Variants in ERCC3 observed in about 807,000 individuals in gnomAD.
ERCC3 encodes general transcription and DNA repair factor IIH helicase/translocase subunit XPB.
Under a neutral mutation model 94.2 loss-of-function variants are expected in ERCC3, and 66 were observed. The ratio of observed to expected loss-of-function variants is 0.70; its 90% CI spans 0.57 to 0.86. The LOEUF (loss-of-function observed/expected upper bound fraction) is 0.86. Ranked by LOEUF, ERCC3 falls within the 40% of genes least tolerant of loss-of-function variation. The pLI is 0.00. For synonymous variants in ERCC3, 349 were observed against 369.1 expected (o/e 0.95, Z 0.63); for missense variants, 829 against 987.1 (o/e 0.84, Z 2.15).
intron 8 of ERCC3, among the ~76,000 whole-genome samples, chr2:127,281,552 T>G (rs73956503): frequency 3.3e-5 from 5 of 152,326 alleles, no homozygotes; most frequent in African/African-American, 1.2e-4. Context: ...GTTAAAATGT[T>G]TGAGTCATGC....
intron 13 of ERCC3, 97 bp downstream of exon 13, chr2:127,261,131 G>C: frequency 1.3e-6 from 1 of 787,578 alleles, no homozygotes; most frequent in Non-Finnish European, 2.3e-6. Flanking sequence ...CTAATGCTTG[G>C]TGCCTGCCTG....
chr2:127,271,605 T>C lies in ERCC3; in HGVS notation c.1828-152A>G. ...TCTATCTGATGCAGGCAGAGAGAGG[T>C]GAAGCAATAAACCTCAGAAAGGCAT... On this transcript the variant is annotated intron_variant, in intron 11 of 14. Coordinates refer to ENST00000285398, the MANE Select transcript of ERCC3 (RefSeq NM_000122.2). This position sits in a 1 kb window ranked among gnomAD's most constrained non-coding sequence, Gnocchi z 5.0. The C allele has an allele frequency of 3.0e-6, 2 of 676,456 alleles. No individual in the cohort carries two copies. The allele number at this position is 676,456 out of a possible 1,614,324, so 41.9% of individuals were successfully genotyped here. A position where few individuals can be genotyped will look rare whatever the true frequency, so the allele number is the denominator to read the frequency against.
At chr2:127,287,452 G>T (rs748463266) in intron 7 of ERCC3, among the ~76,000 whole-genome samples, 1 of 152,036 alleles carries the variant, frequency 6.6e-6, no homozygotes, top group African/African-American at 2.4e-5. Context: ...GGCCAACATG[G>T]TGAAACCCTA....
intron 10 of ERCC3, among the ~76,000 whole-genome samples, chr2:127,278,041 A>G (rs929508358): frequency 3.3e-5 from 5 of 152,068 alleles, no homozygotes; most frequent in Non-Finnish European, 7.4e-5. Flanking sequence ...GGAGTTTGAG[A>G]CCAGCCTGGG....
In ERCC3 at chr2:127,289,324, T is replaced by C. The variant is rs778904544; in HGVS notation, c.822+13A>G. The stretch of plus-strand genomic sequence containing the variant: ...CTCAGTGAAGGAACCAGGAGGAAGG[T>C]ACATTCACTAACCTGCTTGACTTCA... On this transcript the variant is annotated intron_variant, in intron 6 of 14. Transcript: ENST00000285398. 6.2e-7 allele frequency: 1 copy of C among 1,612,796 alleles called. No individual in the cohort carries two copies. Among genetic ancestry groups the C allele is most frequent in the South Asian group, 1.1e-5 (1 of 91,034 alleles).
intron 3 of ERCC3, 35 bp from the exon 4 acceptor site, chr2:127,290,308 G>A (rs1367961049): frequency 5.8e-6 from 9 of 1,545,172 alleles, no homozygotes; most frequent in Non-Finnish European, 7.2e-6. Flanking sequence ...AGGTAAATGT[G>A]CAGCTAACTC....
chr2:127,262,965 C>T (rs895461447), intron 12 of ERCC3: 1 of 152,184 alleles, frequency 6.6e-6, no homozygotes, highest in Admixed American at 6.5e-5. Flanking sequence ...CATCAGTTGG[C>T]TGCAGGTACA....
At chr2:127,267,518 T>A (rs1684413521) in intron 12 of ERCC3, among the ~76,000 whole-genome samples, 1 of 152,150 alleles carries the variant, frequency 6.6e-6, no homozygotes, top group African/African-American at 2.4e-5. Context: ...AGAGGTCTCT[T>A]GAAGACAGCA....
In ERCC3 at chr2:127,289,933, C is replaced by T. The variant is rs894361015; in HGVS notation, c.522-109G>A. Reference sequence around the variant, plus strand: ...GAAATACAAGCCTCATGACTCTCCCCACAACCCTTCGCCAAATCTGTACCA... The same window carrying T: ...GAAATACAAGCCTCATGACTCTCCCTACAACCCTTCGCCAAATCTGTACCA... On this transcript the variant is annotated intron_variant, in intron 4 of 14. Coordinates refer to ENST00000285398, the MANE Select transcript of ERCC3 (RefSeq NM_000122.2). The T allele has an allele frequency of 1.1e-5, 14 of 1,308,756 alleles. No homozygotes were observed. The African/African-American group carries it at 1.7e-4, about 16-fold the overall frequency. The allele number at this position is 1,308,756 out of a possible 1,614,324, so 81.1% of individuals were successfully genotyped here.
Position 127,279,388 on chromosome 2 carries a change from A to G in ERCC3, c.1528-13T>C. 1 of 1,590,840 alleles carries G rather than the reference A, an allele frequency of 6.3e-7. No homozygotes were observed. Among genetic ancestry groups the G allele is most frequent in the Non-Finnish European group, 8.6e-7 (1 of 1,158,698 alleles). Reference sequence around the variant, plus strand: ...TAGGGCACCAGACCTGTAATACAGTAAGAACCAGGGGTCATTTTACAAGTT... The same window carrying G: ...TAGGGCACCAGACCTGTAATACAGTGAGAACCAGGGGTCATTTTACAAGTT... On this transcript the variant is annotated splice_polypyrimidine_tract_variant and intron_variant, in intron 9 of 14. Transcript: ENST00000285398. This position sits in a 1 kb window ranked among gnomAD's most constrained non-coding sequence, Gnocchi z 4.7.
intron 11 of ERCC3, among the ~76,000 whole-genome samples, chr2:127,272,477 A>G (rs901268392): frequency 6.6e-6 from 1 of 152,146 alleles, no homozygotes; most frequent in Non-Finnish European, 1.5e-5. Context: ...ATCAAGGGAC[A>G]CCAGGAACCA....
At chr2:127,285,496 G>C (rs973015044) in intron 8 of ERCC3, among the ~76,000 whole-genome samples, 1 of 152,146 alleles carries the variant, frequency 6.6e-6, no homozygotes, top group African/African-American at 2.4e-5. Context: ...TTTGAGACCA[G>C]CCTGACCAAC....
chr2:127,292,027 G>A lies in ERCC3; in HGVS notation c.471+583C>T, dbSNP rs150312856. Reference sequence around the variant, plus strand: ...AAAGTCTATGATCAAGGTATCAGCCGATTCAGTTTCTGGTGAAGGCTCTTG... The same window carrying A: ...AAAGTCTATGATCAAGGTATCAGCCAATTCAGTTTCTGGTGAAGGCTCTTG... On this transcript the variant is annotated intron_variant, in intron 3 of 14. Transcript: ENST00000285398. 397 of 179,042 alleles carry A rather than the reference G, an allele frequency of 2.2e-3. 6 individuals carry two copies. Among genetic ancestry groups the A allele is most frequent in the Middle Eastern group, 0.014 (5 of 346 alleles). 11.1% of individuals were successfully genotyped at this position (179,042 alleles called of 1,614,324 possible). A position where few individuals can be genotyped will look rare whatever the true frequency, so the allele number is the denominator to read the frequency against.
chr2:127,275,050 C>T (rs527764962), intron 10 of ERCC3, among the ~76,000 whole-genome samples: 2 of 152,308 alleles, frequency 1.3e-5, no homozygotes, highest in South Asian at 2.1e-4. Flanking sequence ...CTGCCCACAG[C>T]CCCACACTGC....
intron 1 of ERCC3, 166 bp from the exon 2 acceptor site, chr2:127,293,884 G>C (rs1216219677): frequency 3.3e-6 from 5 of 1,528,934 alleles, no homozygotes; most frequent in Non-Finnish European, 4.4e-6. Context: ...AGTTCGCTGG[G>C]CTGCGCCCAG....
rs758610916 is a variant in ERCC3, at chr2:127,280,875, C to G, written c.1343-244G>C. On this transcript the variant is annotated intron_variant, in intron 8 of 14. Coordinates refer to ENST00000285398, the MANE Select transcript of ERCC3 (RefSeq NM_000122.2). The surrounding 1 kb of genome is among the most constrained non-coding windows in gnomAD (Gnocchi z 6.3). ...TCATAGCTGTGCAACTTAACACTGG[C>G]TTATGACACCACCTGAACTAACCCT... 1.6e-5 allele frequency: 9 copies of G among 554,016 alleles called. No individual in the cohort carries two copies. The highest frequency in any genetic ancestry group is 2.9e-5 in the Non-Finnish European group (9 of 315,614). 34.3% of individuals were successfully genotyped at this position (554,016 alleles called of 1,614,324 possible). A position where few individuals can be genotyped will look rare whatever the true frequency, so the allele number is the denominator to read the frequency against.
At chr2:127,283,457 T>C (rs1346763711) in intron 8 of ERCC3, among the ~76,000 whole-genome samples, 2 of 152,348 alleles carry the variant, frequency 1.3e-5, no homozygotes, top group Middle Eastern at 3.4e-3. Context: ...TTCCAGTGTA[T>C]GGATGTACCA....
intron 8 of ERCC3, among the ~76,000 whole-genome samples, chr2:127,282,500 A>C (rs897498175): frequency 1.3e-5 from 2 of 152,244 alleles, no homozygotes. Context: ...ATGAATCATT[A>C]ATAAAAAGGC....
rs368953792 is a variant in ERCC3, at chr2:127,289,726, G to C, written c.620C>G (p.Thr207Ser). 6.2e-6 allele frequency: 10 copies of C among 1,614,088 alleles called. No individual in the cohort carries two copies. Among genetic ancestry groups the C allele is most frequent in the Non-Finnish European group, 8.5e-6 (10 of 1,180,038 alleles). Residue 207 changes from threonine (T) to serine (S), a missense_variant, in exon 5 of 15, where the codon ACT (threonine) becomes AGT (serine). Physicochemically the swap from Thr to Ser is moderately conservative, Grantham distance 58 (BLOSUM62 1). Coordinates refer to ENST00000285398, the MANE Select transcript of ERCC3 (RefSeq NM_000122.2). ...CRLRNSEGEATELITETFTSK... is the reference protein window; with the variant it reads ...CRLRNSEGEASELITETFTSK... ...TGTGAAAGTCTCTGTGATGAGCTCA[G>C]TGGCCTCCCCTTCAGAGTTTCTTAA...
Sources: gnomAD v4.1 joint callset for allele counts (sites outside exome capture counted in the v4.1 genomes callset) on GRCh38, gnomAD v4.1.1 for gene constraint, Gnocchi (gnomAD v3.1) non-coding constraint, MANE v1.5 for transcripts, NCBI Gene and HGNC (gene_info 2026-07-23, HGNC 2026-07-21) for gene names.